The following ANKRD11 variants were observed in gnomAD, a reference collection of about 807,000 sequenced individuals.
The protein encoded by ANKRD11 is ankyrin repeat domain-containing protein 11.
In ANKRD11, 17 loss-of-function variants were observed where a neutral mutation model predicts 195.7. That is an observed-to-expected ratio of 0.09 (90% CI 0.06 to 0.13). The LOEUF (loss-of-function observed/expected upper bound fraction) is 0.13, where lower values mean the gene tolerates loss of function less well. ANKRD11 is among the 10% of genes least tolerant of loss of function. The probability of loss-of-function intolerance (pLI) is 1.00; values close to 1 mark genes in which losing one functional copy is unlikely to be tolerated. For missense variants in ANKRD11, 3,735 were observed against 3,566.1 expected, an observed-to-expected ratio of 1.05 and a Z score of -1.21; for synonymous variants, 1,953 against 1,528.1, an observed-to-expected ratio of 1.28 and a Z score of -6.49.
At chr16:89,476,416 C>T (rs1229711234) in intron 1 of ANKRD11, among the ~76,000 whole-genome samples, 1 of 152,198 alleles carries the variant, frequency 6.6e-6, no homozygotes, top group Non-Finnish European at 1.5e-5. Flanking sequence ...AATAGCAAAG[C>T]AAACTACCTG....
chr16:89,442,710 G>A (rs987265743), intron 1 of ANKRD11, among the ~76,000 whole-genome samples: 2 of 152,202 alleles, frequency 1.3e-5, no homozygotes, highest in African/African-American at 4.8e-5. Flanking sequence ...CCACCCACCA[G>A]GAATGTTGCT....
chr16:89,389,205 A>T (rs923452338), intron 2 of ANKRD11, among the ~76,000 whole-genome samples: 2 of 151,308 alleles, frequency 1.3e-5, no homozygotes, highest in African/African-American at 4.9e-5. Flanking sequence ...TTTTACTTTT[A>T]GTAGAGATGA....
intron 1 of ANKRD11, among the ~76,000 whole-genome samples, chr16:89,488,404 A>G (rs948175156): frequency 2.0e-5 from 3 of 151,870 alleles, no homozygotes; most frequent in Non-Finnish European, 4.4e-5. Context: ...ACGAGATCCA[A>G]TGCAAGGGTC....
chr16:89,351,273 C>G (rs924772335), intron 2 of ANKRD11, among the ~76,000 whole-genome samples: 4 of 152,176 alleles, frequency 2.6e-5, no homozygotes, highest in African/African-American at 9.7e-5. Flanking sequence ...CCCACGCCCA[C>G]AGGCCGCCAA....
intron 2 of ANKRD11, among the ~76,000 whole-genome samples, chr16:89,401,299 G>A (rs1282178517): frequency 3.3e-5 from 5 of 151,988 alleles, no homozygotes; most frequent in Non-Finnish European, 1.5e-5. Flanking sequence ...GGCTGGTCTC[G>A]AACTCCTGAC....
chr16:89,318,529 C>T (rs145644370), intron 2 of ANKRD11, among the ~76,000 whole-genome samples: 112 of 151,718 alleles, frequency 7.4e-4, no homozygotes, highest in Middle Eastern at 3.4e-3. Flanking sequence ...CGCTCATGCA[C>T]GAAGTATGGC....
At chr16:89,423,156 CCCAGGAGT>C (rs1000727748) in intron 1 of ANKRD11, among the ~76,000 whole-genome samples, 12 of 152,376 alleles carry the variant, frequency 7.9e-5, no homozygotes, top group African/African-American at 2.6e-4. Context: ...ACCCTCAGAG[CCCAGGAGT>C]CCATGTTAGC....
intron 1 of ANKRD11, among the ~76,000 whole-genome samples, chr16:89,484,499 C>A (rs200923091): frequency 2.6e-5 from 4 of 152,200 alleles, no homozygotes; most frequent in East Asian, 3.8e-4. Context: ...CCTACGCAAT[C>A]TTCCCTTTAC....
intron 1 of ANKRD11, among the ~76,000 whole-genome samples, chr16:89,460,065 G>A (rs1260877803): frequency 1.3e-5 from 2 of 151,912 alleles, no homozygotes; most frequent in Admixed American, 6.6e-5. Context: ...GTGAAACTCC[G>A]TCTCTACTAA....
intron 1 of ANKRD11, among the ~76,000 whole-genome samples, chr16:89,444,014 A>G (rs1302758254): frequency 6.6e-6 from 1 of 152,188 alleles, no homozygotes; most frequent in Non-Finnish European, 1.5e-5. Context: ...GACCAAGAAT[A>G]CAGTTTCCAT....
chr16:89,356,333 C>G (rs1597768778), intron 2 of ANKRD11, among the ~76,000 whole-genome samples: 1 of 144,566 alleles, frequency 6.9e-6, no homozygotes, highest in East Asian at 2.1e-4. Context: ...GGTGGCAAGC[C>G]ATCCGCTGAG....
intron 2 of ANKRD11, among the ~76,000 whole-genome samples, chr16:89,373,829 T>A (rs1459357119): frequency 6.6e-6 from 1 of 152,184 alleles, no homozygotes; most frequent in Non-Finnish European, 1.5e-5. Flanking sequence ...ACAAGATTGG[T>A]AGAACCTTAT....
chr16:89,304,995 A>G, intron 4 of ANKRD11: 1 of 693,108 alleles, frequency 1.4e-6, no homozygotes, highest in Admixed American at 3.0e-5. Flanking sequence ...GAAGCTCTCC[A>G]ATCGGCCCCA....
chr16:89,466,116 C>T (rs559685822), intron 1 of ANKRD11, among the ~76,000 whole-genome samples: 34 of 152,110 alleles, frequency 2.2e-4, no homozygotes, highest in Non-Finnish European at 4.3e-4. Flanking sequence ...GCTGGCAGAA[C>T]CTGCTGCACT....
At chr16:89,471,947 G>A (rs556261392) in intron 1 of ANKRD11, among the ~76,000 whole-genome samples, 1 of 152,138 alleles carries the variant, frequency 6.6e-6, no homozygotes, top group East Asian at 1.9e-4. Context: ...GACCCTCGAG[G>A]CATGCAGCCC....
chr16:89,337,426 A>ATTTTT (rs763560924), intron 2 of ANKRD11, among the ~76,000 whole-genome samples: 7 of 43,766 alleles, frequency 1.6e-4, no homozygotes, highest in Non-Finnish European at 2.8e-4. Flanking sequence ...GGTCTAAGCA[A>ATTTTT]TTCTTTTTTT....
intron 2 of ANKRD11, among the ~76,000 whole-genome samples, chr16:89,415,836 A>AAAAAAAAAAAAAAAAAAAAAAAC (rs1567774075): frequency 7.1e-6 from 1 of 141,098 alleles, no homozygotes; most frequent in Non-Finnish European, 1.5e-5. Flanking sequence ...TCTCAAAAAA[A>AAAAAAAAAAAAAAAAAAAAAAAC]AAAAAAAAAA....
In ANKRD11 at chr16:89,284,217, T is replaced by C. The variant is rs2034486113; in HGVS notation, c.2325A>G (p.Lys775=). The C allele has an allele frequency of 6.2e-7, 1 of 1,612,580 alleles. No individual in the cohort carries two copies. The highest frequency in any genetic ancestry group is 1.1e-5 in the South Asian group (1 of 90,258). Residue 775 remains lysine, a synonymous_variant, in exon 9 of 13, where the codon AAA becomes AAG. Coordinates refer to ENST00000301030, the MANE Select transcript of ANKRD11 (RefSeq NM_013275.6). ...RKKKSKDRPS[K]LEKKNDLKED... is the part of the protein sequence containing the mutation. ...CTTTTAAATCATTCTTCTTCTCTAA[T>C]TTTGAGGGCCGGTCTTTTGATTTCT...
intron 1 of ANKRD11, among the ~76,000 whole-genome samples, chr16:89,437,173 A>G (rs2043249997): frequency 1.3e-5 from 2 of 152,218 alleles, no homozygotes; most frequent in Non-Finnish European, 2.9e-5. Flanking sequence ...AGCGCAGCAC[A>G]CACCTTCTAA....
Sources: gnomAD v4.1 joint callset for allele counts (sites outside exome capture counted in the v4.1 genomes callset) on GRCh38, gnomAD v4.1.1 for gene constraint, MANE v1.5 for transcripts, NCBI Gene and HGNC (gene_info 2026-07-23, HGNC 2026-07-21) for gene names.